The following BMP7 variants were observed in gnomAD, a reference collection of about 807,000 sequenced individuals.
The protein encoded by BMP7 is osteogenic protein 1.
A neutral mutation model predicts 41.2 loss-of-function variants in BMP7; 12 were observed. The ratio of observed to expected loss-of-function variants is 0.29; its 90% confidence interval spans 0.19 to 0.47. BMP7 has a LOEUF of 0.47. Ranked by LOEUF, BMP7 falls within the 20% of genes least tolerant of loss-of-function variation. The probability of loss-of-function intolerance (pLI) is 0.99; values close to 1 mark genes in which losing one functional copy is unlikely to be tolerated. For missense variants in BMP7, 467 were observed against 606.0 expected (o/e 0.77, Z 2.41); for synonymous variants, 248 against 250.0 (o/e 0.99, Z 0.07).
At chr20:57,178,996 G>A (rs772345870) in intron 4 of BMP7, among the ~76,000 whole-genome samples, 1 of 152,144 alleles carries the variant, frequency 6.6e-6, no homozygotes, top group Non-Finnish European at 1.5e-5. Context: ...GTAAAGCCAC[G>A]ACATTTGGCA....
intron 2 of BMP7, among the ~76,000 whole-genome samples, chr20:57,211,003 C>G (rs1035918601): frequency 1.1e-4 from 16 of 152,204 alleles, no homozygotes; most frequent in African/African-American, 3.9e-4. Flanking sequence ...CTGATATCCC[C>G]CTCTGCTACC....
At position 57,215,076 on chromosome 20, in the gene BMP7, C is replaced by T. The variant is rs74968922; in HGVS notation, c.612-12453G>A. The T allele has an allele frequency of 0.035, 5,359 of 152,336 alleles. 116 individuals are homozygous for T. Among genetic ancestry groups the T allele is most frequent in the African/African-American group, 0.053 (2,192 of 41,562 alleles). The allele number at this position is 152,336 out of a possible 1,614,324, so 9.4% of individuals were successfully genotyped here. A position where few individuals can be genotyped will look rare whatever the true frequency, so the allele number is the denominator to read the frequency against. Reference sequence around the variant, plus strand: ...ACAGTTCACTGGGGCCTTAGCCCACCCAGCCCACTCTATGTCCCACTGGGC... The same window carrying T: ...ACAGTTCACTGGGGCCTTAGCCCACTCAGCCCACTCTATGTCCCACTGGGC... On this transcript the variant is annotated intron_variant, in intron 2 of 6. Transcript: ENST00000395863. The surrounding 1 kb of genome is among the most constrained non-coding windows in gnomAD (Gnocchi z 4.2).
In BMP7 at chr20:57,171,016, G is replaced by A; in HGVS notation, c.1239C>T (p.Ser413=). 1 of 1,614,174 alleles carries A rather than the reference G, an allele frequency of 6.2e-7. No homozygotes were observed. The highest frequency in any genetic ancestry group is 8.5e-7 in the Non-Finnish European group (1 of 1,180,034). The change falls in exon 7 of 7, where the codon TCC becomes TCT. Residue 413 remains serine, a synonymous_variant. Transcript: ENST00000395863. This position sits in a 1 kb window ranked among gnomAD's most constrained non-coding sequence, Gnocchi z 4.5. The part of the protein sequence containing the change: ...AISVLYFDDS[S]NVILKKYRNM... ...TTCTGTATTTCTTCAGGATGACGTT[G>A]GAGCTGTCATCGAAGTAGAGGACGG...
At chr20:57,192,781 C>A (rs1158129224) in intron 3 of BMP7, among the ~76,000 whole-genome samples, 1 of 151,626 alleles carries the variant, frequency 6.6e-6, no homozygotes, top group Non-Finnish European at 1.5e-5. Flanking sequence ...AACAGGGTGC[C>A]TGATTGAATT....
chr20:57,192,480 A>G (rs1984393018), intron 3 of BMP7, among the ~76,000 whole-genome samples: 1 of 151,490 alleles, frequency 6.6e-6, no homozygotes, highest in African/African-American at 2.4e-5. Context: ...ATTTTATGTT[A>G]TAAAATATCA....
In BMP7 at chr20:57,170,061, G is replaced by A. The variant is rs2123053114; in HGVS notation, c.*898C>T. 6.6e-6 allele frequency: 1 copy of A among 152,240 alleles called. No individual in the cohort carries two copies. The highest frequency in any genetic ancestry group is 1.9e-4 in the East Asian group (1 of 5,162). The allele number at this position is 152,240 out of a possible 1,614,324, so 9.4% of individuals were successfully genotyped here. On this transcript the variant is annotated 3_prime_UTR_variant, in exon 7 of 7. Coordinates refer to ENST00000395863, the MANE Select transcript of BMP7 (RefSeq NM_001719.3). ...TGGGAGCTACTGTGCCCGGCCCATT[G>A]GTGCTTCTTAACAACAGGGTTGAGT...
intron 1 of BMP7, among the ~76,000 whole-genome samples, chr20:57,254,311 C>T (rs1032069313): frequency 2.6e-5 from 4 of 152,130 alleles, no homozygotes; most frequent in African/African-American, 9.7e-5. Context: ...GCGTGAGCCA[C>T]CGCGCCCAGC....
In BMP7 at chr20:57,224,497, T is replaced by G. The variant is rs1568721348; in HGVS notation, c.611+3732A>C. 6.6e-6 allele frequency: 1 copy of G among 152,296 alleles called. No homozygotes were observed. The highest frequency in any genetic ancestry group is 1.5e-5 in the Non-Finnish European group (1 of 68,184). The allele number at this position is 152,296 out of a possible 1,614,324, so 9.4% of individuals were successfully genotyped here. A position where few individuals can be genotyped will look rare whatever the true frequency, so the allele number is the denominator to read the frequency against. ...ATGCTCAAGGAGAGACGGGGAAGAC[T>G]GGGATGGAAGATGCCAGGTCCCAGC... is the stretch of plus-strand genomic sequence containing the variant. On this transcript the variant is annotated intron_variant, in intron 2 of 6. Coordinates refer to ENST00000395863, the MANE Select transcript of BMP7 (RefSeq NM_001719.3). This position sits in a 1 kb window ranked among gnomAD's most constrained non-coding sequence, Gnocchi z 4.8.
chr20:57,197,818 A>G (rs992867369), intron 3 of BMP7, among the ~76,000 whole-genome samples: 3 of 152,208 alleles, frequency 2.0e-5, no homozygotes, highest in African/African-American at 4.8e-5. Context: ...CAAGACCCCA[A>G]GAAGTTGGAG....
intron 1 of BMP7, among the ~76,000 whole-genome samples, chr20:57,248,580 G>A (rs2066099117): frequency 6.6e-6 from 1 of 152,196 alleles, no homozygotes; most frequent in South Asian, 2.1e-4. Flanking sequence ...TTGTAAGCAT[G>A]AGGTAAGAGA....
Position 57,266,158 on chromosome 20 carries a change from C to G in BMP7, c.-36G>C, listed in dbSNP as rs2066177562. On this transcript the variant is annotated 5_prime_UTR_variant, in exon 1 of 7. Coordinates refer to ENST00000395863, the MANE Select transcript of BMP7 (RefSeq NM_001719.3). ...CTACGCGCTACCCGGGCTCCGGGCT[C>G]CGGGCCCGCACCGCCCCAGGTGGCA... is the stretch of plus-strand genomic sequence containing the variant. The G allele has an allele frequency of 6.7e-7, 1 of 1,495,384 alleles. No homozygotes were observed. Among genetic ancestry groups the G allele is most frequent in the African/African-American group, 1.4e-5 (1 of 71,194 alleles). The allele number at this position is 1,495,384 out of a possible 1,614,324, so 92.6% of individuals were successfully genotyped here.
intron 2 of BMP7, among the ~76,000 whole-genome samples, chr20:57,218,637 G>A (rs1600629541): frequency 6.6e-6 from 1 of 151,906 alleles, no homozygotes; most frequent in African/African-American, 2.4e-5. Flanking sequence ...TTTGTTCAGT[G>A]GTAGCTGGTG....
intron 1 of BMP7, among the ~76,000 whole-genome samples, chr20:57,244,815 G>T (rs993673261): frequency 1.3e-5 from 2 of 152,222 alleles, no homozygotes; most frequent in Non-Finnish European, 2.9e-5. Context: ...GACAGGAGGA[G>T]CCTGCTCAGA....
chr20:57,178,441 C>T (rs1231114334), intron 4 of BMP7, among the ~76,000 whole-genome samples: 6 of 152,034 alleles, frequency 3.9e-5, no homozygotes, highest in Admixed American at 3.3e-4. Context: ...TGGTCCCCAC[C>T]CTCCGTGGGG....
chr20:57,224,315 A>G lies in BMP7; in HGVS notation c.611+3914T>C, dbSNP rs1985258349. On this transcript the variant is annotated intron_variant, in intron 2 of 6. Coordinates refer to ENST00000395863, the MANE Select transcript of BMP7 (RefSeq NM_001719.3). The surrounding 1 kb of genome is among the most constrained non-coding windows in gnomAD (Gnocchi z 4.8). ...GGGACATTTTCATCCAGCTGCCAAC[A>G]TCATCTCGACCTTGGTGGCGGCCGA... 6.6e-6 allele frequency among the ~76,000 whole-genome samples: 1 copy of G among 152,158 alleles called. No individual in the cohort carries two copies. The highest frequency in any genetic ancestry group is 6.5e-5 in the Admixed American group (1 of 15,282).
intron 1 of BMP7, among the ~76,000 whole-genome samples, chr20:57,236,532 T>C (rs1191916514): frequency 1.3e-5 from 2 of 152,124 alleles, no homozygotes; most frequent in Non-Finnish European, 2.9e-5. Flanking sequence ...AAGACTAGCA[T>C]GGCCTTGGAT....
intron 1 of BMP7, among the ~76,000 whole-genome samples, chr20:57,253,684 A>T (rs1427850966): frequency 1.3e-5 from 2 of 152,252 alleles, no homozygotes; most frequent in Non-Finnish European, 2.9e-5. Flanking sequence ...GCTCATGGAC[A>T]TCCATGCACC....
intron 1 of BMP7, among the ~76,000 whole-genome samples, chr20:57,260,942 G>A (rs1395975909): frequency 2.0e-5 from 3 of 152,234 alleles, no homozygotes; most frequent in South Asian, 2.1e-4. Flanking sequence ...GCTGTTACAC[G>A]GATGGGCAGA....
At chr20:57,223,935 C>T (rs371670723) in intron 2 of BMP7, among the ~76,000 whole-genome samples, 3 of 152,318 alleles carry the variant, frequency 2.0e-5, no homozygotes, top group Admixed American at 6.5e-5. Flanking sequence ...GCCCACTGCC[C>T]GAGGGCCGCC....
Sources: gnomAD v4.1 joint callset for allele counts (sites outside exome capture counted in the v4.1 genomes callset) on GRCh38, gnomAD v4.1.1 for gene constraint, Gnocchi (gnomAD v3.1) non-coding constraint, MANE v1.5 for transcripts, NCBI Gene and HGNC (gene_info 2026-07-23, HGNC 2026-07-21) for gene names.